Variants in TMEM132D observed in about 807,000 individuals in gnomAD.
TMEM132D encodes transmembrane protein 132D.
TMEM132D carries 21 observed loss-of-function variants against 62.3 expected under a neutral mutation model. The ratio of observed to expected loss-of-function variants is 0.34; its 90% confidence interval spans 0.24 to 0.49. TMEM132D has a LOEUF of 0.49. Ranked by LOEUF, TMEM132D falls within the 20% of genes least tolerant of loss-of-function variation. TMEM132D has a pLI of 0.99. For missense variants in TMEM132D, 1,346 were observed against 1,402.8 expected (o/e 0.96, Z 0.65); for synonymous variants, 621 against 575.6 (o/e 1.08, Z -1.13).
intron 1 of TMEM132D, among the ~76,000 whole-genome samples, chr12:129,850,532 T>C (rs186057424): frequency 2.0e-3 from 311 of 152,174 alleles, no homozygotes; most frequent in African/African-American, 6.6e-3. Flanking sequence ...GGCCTCAGGG[T>C]GGGTGAGGGT....
intron 1 of TMEM132D, among the ~76,000 whole-genome samples, chr12:129,798,366 T>C (rs1485220146): frequency 6.6e-6 from 1 of 152,248 alleles, no homozygotes; most frequent in Admixed American, 6.5e-5. Context: ...AATGGATGTG[T>C]GTTTATAAAC....
intron 3 of TMEM132D, among the ~76,000 whole-genome samples, chr12:129,492,748 ACT>A (rs1247986341): frequency 6.6e-6 from 1 of 151,804 alleles, no homozygotes; most frequent in African/African-American, 2.4e-5. Context: ...TCTGTTTTCC[ACT>A]CTCTAGAGTC....
chr12:129,112,309 A>G (rs1875738339), intron 5 of TMEM132D, among the ~76,000 whole-genome samples: 1 of 152,166 alleles, frequency 6.6e-6, no homozygotes, highest in African/African-American at 2.4e-5. Context: ...CAGGGTTTAC[A>G]CCCGTGCTGT....
chr12:129,246,016 T>C (rs1344707580), intron 4 of TMEM132D, among the ~76,000 whole-genome samples: 2 of 152,170 alleles, frequency 1.3e-5, no homozygotes, highest in Middle Eastern at 3.2e-3. Context: ...GAAGACGTAG[T>C]TGCGTGGTTT....
Position 129,779,334 on chromosome 12 carries a change from G to A in TMEM132D, c.80-78636C>T, listed in dbSNP as rs752263795. ...GACAGGGTCTCACTTTGTCGCCCAG[G>A]CTGGAGAGCAGTGGTGTTATCTCTG... On this transcript the variant is annotated intron_variant, in intron 1 of 8. Transcript: ENST00000422113. The surrounding 1 kb of genome is among the most constrained non-coding windows in gnomAD (Gnocchi z 4.1). Among the ~76,000 whole-genome samples, 11 of 152,182 alleles carry A rather than the reference G, an allele frequency of 7.2e-5. No individual in the cohort carries two copies. Among genetic ancestry groups the A allele is most frequent in the Non-Finnish European group, 1.5e-4 (10 of 68,018 alleles).
intron 3 of TMEM132D, among the ~76,000 whole-genome samples, chr12:129,476,344 GAGC>G (rs1874255081): frequency 1.3e-5 from 2 of 152,142 alleles, no homozygotes; most frequent in Non-Finnish European, 2.9e-5. Flanking sequence ...AAAGAGACAA[GAGC>G]AACTTCCCAA....
chr12:129,805,400 C>T (rs111476271), intron 1 of TMEM132D, among the ~76,000 whole-genome samples: 2 of 152,008 alleles, frequency 1.3e-5, no homozygotes, highest in East Asian at 1.9e-4. Context: ...TATCTACAAC[C>T]ATCTGATCTT....
At chr12:129,358,242 C>G (rs527578188) in intron 3 of TMEM132D, among the ~76,000 whole-genome samples, 1 of 152,048 alleles carries the variant, frequency 6.6e-6, no homozygotes, top group South Asian at 2.1e-4. Flanking sequence ...TTTCATTGCT[C>G]GGTTTTCCTT....
In TMEM132D at chr12:129,525,234, T is replaced by TTG. The variant is rs1206669977; in HGVS notation, c.1115+5824_1115+5825insCA. ...GCCACGGTGCCCAGCCGGTTTTTTT[T>TTG]TTTTTTTTTTTTTTTTTTTTTGCTA... is the stretch of plus-strand genomic sequence containing the variant. On this transcript the variant is annotated intron_variant, in intron 3 of 8. Coordinates refer to ENST00000422113, the MANE Select transcript of TMEM132D (RefSeq NM_133448.3). 1.7e-4 allele frequency among the ~76,000 whole-genome samples: 22 copies of TTG among 130,088 alleles called. 1 individual carries two copies. Among genetic ancestry groups the TTG allele is most frequent in the East Asian group, 1.1e-3 (5 of 4,608 alleles). 85.3% of individuals were successfully genotyped at this position (130,088 alleles called of 152,430 possible). A position where few individuals can be genotyped will look rare whatever the true frequency, so the allele number is the denominator to read the frequency against.
At chr12:129,394,395 T>A (rs893469854) in intron 3 of TMEM132D, among the ~76,000 whole-genome samples, 5 of 152,146 alleles carry the variant, frequency 3.3e-5, no homozygotes, top group Non-Finnish European at 7.4e-5. Flanking sequence ...CTTGACCCAG[T>A]TGGTCAATAC....
chr12:129,854,824 C>G (rs1873665474), intron 1 of TMEM132D: 2 of 152,266 alleles, frequency 1.3e-5, no homozygotes, highest in Non-Finnish European at 2.9e-5. Context: ...GAGCTGGGAT[C>G]TGAGCCGAGC....
chr12:129,828,609 C>T (rs535961664), intron 1 of TMEM132D, among the ~76,000 whole-genome samples: 1 of 137,976 alleles, frequency 7.2e-6, no homozygotes, highest in East Asian at 2.2e-4. Flanking sequence ...ATTTTATCCT[C>T]CCTGTGGGCT....
chr12:129,164,394 T>C (rs1877483355), intron 5 of TMEM132D, among the ~76,000 whole-genome samples: 1 of 152,116 alleles, frequency 6.6e-6, no homozygotes, highest in African/African-American at 2.4e-5. Context: ...ACAGCGAAAA[T>C]AATCAAATGT....
chr12:129,309,008 C>T (rs896866924), intron 4 of TMEM132D, among the ~76,000 whole-genome samples: 56 of 152,088 alleles, frequency 3.7e-4, no homozygotes, highest in Non-Finnish European at 7.4e-5. Context: ...CGCCAAACAC[C>T]CTTGGTCTTC....
chr12:129,788,513 A>C (rs904160559), intron 1 of TMEM132D, among the ~76,000 whole-genome samples: 1 of 152,254 alleles, frequency 6.6e-6, no homozygotes, highest in Non-Finnish European at 1.5e-5. Flanking sequence ...AGATATAGCT[A>C]TAAATACAGA....
At chr12:129,189,843 A>C (rs922762739) in intron 5 of TMEM132D, among the ~76,000 whole-genome samples, 1 of 152,132 alleles carries the variant, frequency 6.6e-6, no homozygotes, top group Non-Finnish European at 1.5e-5. Flanking sequence ...GTTAGGTTAC[A>C]TGACAGGGGA....
intron 4 of TMEM132D, among the ~76,000 whole-genome samples, chr12:129,243,995 G>A (rs535181779): frequency 5.1e-4 from 77 of 152,180 alleles, no homozygotes; most frequent in South Asian, 3.3e-3. Context: ...GAGGAAGTGC[G>A]TTTGGGGGGT....
chr12:129,074,231 A>G lies in TMEM132D; in HGVS notation c.2944T>C (p.Ser982Pro). The G allele has an allele frequency of 6.2e-7, 1 of 1,614,054 alleles. No homozygotes were observed. Among genetic ancestry groups the G allele is most frequent in the Non-Finnish European group, 8.5e-7 (1 of 1,180,024 alleles). Residue 982 changes from serine (S) to proline (P), a missense_variant, in exon 9 of 9, where the codon TCC becomes CCC. Coordinates refer to ENST00000422113, the MANE Select transcript of TMEM132D (RefSeq NM_133448.3). Reference sequence around the variant, plus strand: ...GCAGTGATTTGCTCATCTTGCGAGGAGGCAAAGTTGATGTGATTCTCCAAC... The same window carrying G: ...GCAGTGATTTGCTCATCTTGCGAGGGGGCAAAGTTGATGTGATTCTCCAAC... ...ELLENHINFA[S>P]SQDEQITAID... is the part of the protein sequence containing the mutation.
At chr12:129,473,887 C>T (rs944655428) in intron 3 of TMEM132D, among the ~76,000 whole-genome samples, 5 of 152,268 alleles carry the variant, frequency 3.3e-5, no homozygotes, top group South Asian at 4.1e-4. Context: ...TCAACAAAAA[C>T]GTCCCAATGA....
Sources: allele counts gnomAD v4.1 joint callset (sites outside exome capture counted in the v4.1 genomes callset), GRCh38; gene constraint gnomAD v4.1.1; non-coding constraint Gnocchi (gnomAD v3.1); transcripts MANE v1.5; gene names NCBI Gene and HGNC (gene_info 2026-07-23, HGNC 2026-07-21).